The following KLF12 variants were observed in gnomAD, a reference collection of about 807,000 sequenced individuals.
The protein encoded by KLF12 is KLF transcription factor 12.
A neutral mutation model predicts 37.8 loss-of-function variants in KLF12; 9 were observed. The observed-to-expected ratio is 0.24, with a 90% CI of 0.14 to 0.42. The LOEUF (loss-of-function observed/expected upper bound fraction) is 0.42, where lower values mean the gene tolerates loss of function less well. Ranked by LOEUF, KLF12 falls within the 10% of genes least tolerant of loss-of-function variation. The pLI is 1.00. For missense variants in KLF12, 411 were observed against 516.0 expected (o/e 0.80, Z 1.97); for synonymous variants, 208 against 202.1 (o/e 1.03, Z -0.25).
chr13:74,044,722 G>A (rs936717029), intron 1 of KLF12, among the ~76,000 whole-genome samples: 1 of 151,950 alleles, frequency 6.6e-6, no homozygotes, highest in Non-Finnish European at 1.5e-5. Flanking sequence ...GCGGGCGCCT[G>A]TAGTCCCAGC....
At chr13:74,119,233 T>C (rs1877482436) in intron 1 of KLF12, among the ~76,000 whole-genome samples, 1 of 151,776 alleles carries the variant, frequency 6.6e-6, no homozygotes, top group African/African-American at 2.4e-5. Context: ...CTTGGGAGGC[T>C]GAGGCAGAGA....
the KLF12 span, among the ~76,000 whole-genome samples, chr13:74,146,212 C>T: frequency 6.6e-6 from 1 of 152,106 alleles, no homozygotes; most frequent in Non-Finnish European, 1.5e-5. Context: ...ACATCTTAGC[C>T]ATAGAGTTAT....
At chr13:74,108,755 T>C (rs7327960) in intron 1 of KLF12, among the ~76,000 whole-genome samples, 115,740 of 152,104 alleles carry the variant, frequency 0.76, 45,060 homozygotes, top group East Asian at 0.94. Context: ...TACTATTGAT[T>C]AAGTGGAAGT....
chr13:74,157,001 ATG>A, the KLF12 span, among the ~76,000 whole-genome samples: 1 of 152,126 alleles, frequency 6.6e-6, no homozygotes, highest in Non-Finnish European at 1.5e-5. Flanking sequence ...TTTATTCTGT[ATG>A]TGTGTGTGAG....
intron 1 of KLF12, among the ~76,000 whole-genome samples, chr13:74,087,544 A>C (rs1235633975): frequency 6.6e-6 from 1 of 152,116 alleles, no homozygotes; most frequent in Non-Finnish European, 1.5e-5. Flanking sequence ...ACTATGTGCC[A>C]AGATGTGTGT....
At chr13:73,728,628 C>T (rs1188932026) in intron 6 of KLF12, among the ~76,000 whole-genome samples, 1 of 152,192 alleles carries the variant, frequency 6.6e-6, no homozygotes, top group East Asian at 1.9e-4. Context: ...GTTTTCATTA[C>T]AAAAGGATGT....
At chr13:73,877,998 G>T in intron 3 of KLF12, among the ~76,000 whole-genome samples, 1 of 151,958 alleles carries the variant, frequency 6.6e-6, no homozygotes, top group Non-Finnish European at 1.5e-5. Context: ...TCACCAAACA[G>T]ATGTTTATAT....
At chr13:74,193,627 A>C in the KLF12 span, among the ~76,000 whole-genome samples, 2 of 152,238 alleles carry the variant, frequency 1.3e-5, no homozygotes, top group Non-Finnish European at 2.9e-5. Flanking sequence ...GCCTTCATCT[A>C]CTTTCCACAT....
the KLF12 span, among the ~76,000 whole-genome samples, chr13:74,243,989 A>G: frequency 6.6e-6 from 1 of 152,122 alleles, no homozygotes; most frequent in African/African-American, 2.4e-5. Context: ...GAAAAACTGA[A>G]TTTGCTTGCT....
chr13:73,999,164 A>G (rs1003471110), intron 1 of KLF12, among the ~76,000 whole-genome samples: 3 of 152,268 alleles, frequency 2.0e-5, no homozygotes, highest in African/African-American at 7.2e-5. Context: ...ATTTTCAAGT[A>G]AAGTCCACAC....
At chr13:74,100,120 G>A (rs902534291) in intron 1 of KLF12, among the ~76,000 whole-genome samples, 1 of 152,098 alleles carries the variant, frequency 6.6e-6, no homozygotes, top group East Asian at 1.9e-4. Context: ...TTGTGGGGGT[G>A]AAGGAAGAGG....
At chr13:74,129,497 G>A (rs1878142998) in intron 1 of KLF12, among the ~76,000 whole-genome samples, 1 of 152,124 alleles carries the variant, frequency 6.6e-6, no homozygotes, top group Admixed American at 6.5e-5. Context: ...GATAGTGGTG[G>A]GGAAACTATC....
intron 6 of KLF12, among the ~76,000 whole-genome samples, chr13:73,728,777 CT>C (rs1876850460): frequency 6.6e-6 from 1 of 152,080 alleles, no homozygotes; most frequent in South Asian, 2.1e-4. Flanking sequence ...GTAGGTAATC[CT>C]TTTTATATGT....
the KLF12 span, among the ~76,000 whole-genome samples, chr13:74,143,029 T>C: frequency 6.9e-6 from 1 of 145,930 alleles, no homozygotes. Flanking sequence ...CCTCCCTCCT[T>C]CCTTCCCTCC....
At chr13:73,806,658 A>T (rs1594112836) in intron 5 of KLF12, among the ~76,000 whole-genome samples, 1 of 151,994 alleles carries the variant, frequency 6.6e-6, no homozygotes, top group South Asian at 2.1e-4. Context: ...ACAAAAAAAA[A>T]AAAAAAGAAA....
chr13:73,733,607 T>G (rs1437619980), intron 6 of KLF12, among the ~76,000 whole-genome samples: 1 of 152,156 alleles, frequency 6.6e-6, no homozygotes, highest in Non-Finnish European at 1.5e-5. Flanking sequence ...GTCTCTACCT[T>G]TTGGCTATTG....
At position 74,111,873 on chromosome 13, in the gene KLF12, TA is replaced by T. The variant is rs541818335; in HGVS notation, c.-32+21865del. On this transcript the variant is annotated intron_variant, in intron 1 of 7. Transcript: ENST00000377669. ...AAGTTCCACTTATAAAAAAGGCAAA[TA>T]TATTACAGAAAACTAGATCATTTTT... 8.5e-5 allele frequency among the ~76,000 whole-genome samples: 13 copies of T among 152,272 alleles called. No homozygotes were observed. In the South Asian group the frequency reaches 2.7e-3, roughly 32 times the overall value.
intron 6 of KLF12, among the ~76,000 whole-genome samples, chr13:73,762,310 A>G (rs888052538): frequency 2.6e-5 from 4 of 152,292 alleles, no homozygotes; most frequent in African/African-American, 9.6e-5. Flanking sequence ...AAATGTTCCC[A>G]GATGAACAAG....
chr13:74,157,338 C>T, the KLF12 span, among the ~76,000 whole-genome samples: 1 of 152,152 alleles, frequency 6.6e-6, no homozygotes, highest in Non-Finnish European at 1.5e-5. Context: ...ACTGGTTTAC[C>T]TGATCCTATA....
Sources: gnomAD v4.1 joint callset for allele counts (sites outside exome capture counted in the v4.1 genomes callset) on GRCh38, gnomAD v4.1.1 for gene constraint, MANE v1.5 for transcripts, NCBI Gene and HGNC (gene_info 2026-07-23, HGNC 2026-07-21) for gene names.